The following HHLA2 variants were observed in gnomAD, a reference collection of about 807,000 sequenced individuals.
HHLA2 encodes the protein HERV-H LTR-associating protein 2.
A neutral mutation model predicts 45.9 loss-of-function variants in HHLA2; 48 were observed. The ratio of observed to expected loss-of-function variants is 1.05; its 90% confidence interval spans 0.83 to 1.33. HHLA2 has a LOEUF of 1.33. Ranked by LOEUF, HHLA2 falls within the 40% of genes most tolerant of loss-of-function variation. The pLI is 0.00. For synonymous variants in HHLA2, 161 were observed against 173.9 expected, an observed-to-expected ratio of 0.93 and a Z score of 0.59; for missense variants, 462 against 494.3, an observed-to-expected ratio of 0.93 and a Z score of 0.62.
At position 108,355,109 on chromosome 3, in the gene HHLA2, A is replaced by G. The variant is rs369747047; in HGVS notation, c.419-6A>G. The G allele has an allele frequency of 6.8e-6, 11 of 1,609,242 alleles. No individual in the cohort carries two copies. The highest frequency in any genetic ancestry group is 1.7e-4 in the Middle Eastern group (1 of 6,058). On this transcript the variant is annotated splice_polypyrimidine_tract_variant and splice_region_variant and intron_variant, in intron 5 of 10. Transcript: ENST00000619531. ...TTTTTCATGCGCCCTTCTTTCTCCT[A>G]TGTAGTTTTTCTCACACCCGTGATG...
intron 1 of HHLA2, among the ~76,000 whole-genome samples, chr3:108,306,289 C>T (rs1484137529): frequency 2.0e-5 from 3 of 152,174 alleles, no homozygotes; most frequent in Admixed American, 6.5e-5. Context: ...TCTTGTAGAA[C>T]GTGATTAGCA....
chr3:108,373,350 G>A lies in HHLA2; in HGVS notation c.1109-2400G>A, dbSNP rs1195946188. Among the ~76,000 whole-genome samples, 3 of 152,068 alleles carry A rather than the reference G, an allele frequency of 2.0e-5. No homozygotes were observed. The South Asian group carries it at 6.2e-4, about 31-fold the overall frequency. On this transcript the variant is annotated intron_variant, in intron 8 of 10. Transcript: ENST00000619531. ...TATCTCAGAATAATAAGAGCTATCT[G>A]TGACAAACCCACAGCCAATATCATA...
At position 108,358,092 on chromosome 3, in the gene HHLA2, A is replaced by G. The variant is rs769870867; in HGVS notation, c.934A>G (p.Ser312Gly). The change falls in exon 7 of 11, where the codon AGT becomes GGT. Residue 312 changes from serine (S) to glycine (G), a missense_variant. Physicochemically the swap from Ser to Gly is moderately conservative, Grantham distance 56 (BLOSUM62 0). Around this residue, in one of 3 missense-constraint regions of HHLA2, gnomAD observed 4 missense variants for 16.5 expected, o/e 0.24. Transcript: ENST00000619531. ...TTTGATGGATCTTAATCTTTCAGAC[A>G]GTGGGGAATATTTATGCAATATTTC... 1.9e-6 allele frequency: 3 copies of G among 1,613,606 alleles called. No homozygotes were observed. The African/African-American group carries it at 4.0e-5, about 22-fold the overall frequency.
At chr3:108,300,811 T>C (rs2080836458) in intron 1 of HHLA2, among the ~76,000 whole-genome samples, 1 of 152,198 alleles carries the variant, frequency 6.6e-6, no homozygotes, top group African/African-American at 2.4e-5. Flanking sequence ...GTTGCTCTTA[T>C]TGCTTGTAAC....
intron 2 of HHLA2, among the ~76,000 whole-genome samples, chr3:108,321,904 G>A (rs1441522379): frequency 6.6e-6 from 1 of 151,972 alleles, no homozygotes; most frequent in Non-Finnish European, 1.5e-5. Context: ...TCAATTCCAA[G>A]ATGTCTTTTC....
intron 3 of HHLA2, among the ~76,000 whole-genome samples, chr3:108,340,471 T>C (rs2081545736): frequency 1.3e-5 from 2 of 152,188 alleles, no homozygotes; most frequent in Admixed American, 6.5e-5. Flanking sequence ...GAAAACTTCG[T>C]TGGAGAATTT....
intron 3 of HHLA2, among the ~76,000 whole-genome samples, chr3:108,341,620 G>A (rs965052832): frequency 7.2e-5 from 11 of 151,932 alleles, no homozygotes; most frequent in African/African-American, 2.4e-4. Context: ...AAAAAAAACA[G>A]AGCCCAGTTC....
At chr3:108,339,222 AC>A (rs1184936281) in intron 3 of HHLA2, among the ~76,000 whole-genome samples, 1 of 152,192 alleles carries the variant, frequency 6.6e-6, no homozygotes, top group African/African-American at 2.4e-5. Context: ...ACTTTTTGGA[AC>A]CAGGTATAAG....
chr3:108,338,080 C>G (rs888854134), intron 3 of HHLA2, among the ~76,000 whole-genome samples: 7 of 151,682 alleles, frequency 4.6e-5, no homozygotes, highest in African/African-American at 1.7e-4. Flanking sequence ...CGCACACACA[C>G]ATATGTATAT....
intron 8 of HHLA2, 102 bp downstream of exon 7, chr3:108,362,548 C>A: frequency 1.3e-6 from 1 of 756,158 alleles, no homozygotes; most frequent in Middle Eastern, 2.6e-4. Context: ...TGTAATTGAT[C>A]TGAATTTTCT....
intron 3 of HHLA2, among the ~76,000 whole-genome samples, chr3:108,330,700 C>T (rs1464458988): frequency 1.3e-5 from 2 of 152,060 alleles, no homozygotes; most frequent in Non-Finnish European, 2.9e-5. Context: ...AACAAGTGAG[C>T]TTGGAAGGGG....
At chr3:108,317,164 T>C (rs567077150) in intron 2 of HHLA2, among the ~76,000 whole-genome samples, 10 of 152,244 alleles carry the variant, frequency 6.6e-5, no homozygotes, top group Non-Finnish European at 1.3e-4. Flanking sequence ...TTTGTCTTTA[T>C]AGAAAGACAC....
Position 108,352,839 on chromosome 3 carries a change from A to T in HHLA2, c.65-588A>T, listed in dbSNP as rs545377195. Among the ~76,000 whole-genome samples, 13 of 152,324 alleles carry T rather than the reference A, an allele frequency of 8.5e-5. No individual in the cohort carries two copies. In the South Asian group the frequency reaches 2.1e-3, roughly 24 times the overall value. On this transcript the variant is annotated intron_variant, in intron 4 of 10. Coordinates refer to ENST00000619531, the Ensembl canonical transcript of HHLA2. ...CTCAGGATATCCTGAGAGCAGTCTT[A>T]AACTCAAAGCAAATGAATGACTCTC...
intron 1 of HHLA2, among the ~76,000 whole-genome samples, chr3:108,300,951 C>T (rs2080838414): frequency 6.6e-6 from 1 of 152,128 alleles, no homozygotes; most frequent in African/African-American, 2.4e-5. Flanking sequence ...GCTTCTAACA[C>T]AGCTGAAATA....
chr3:108,342,958 A>G (rs2081601606), intron 3 of HHLA2, among the ~76,000 whole-genome samples: 1 of 151,920 alleles, frequency 6.6e-6, no homozygotes, highest in Admixed American at 6.5e-5. Flanking sequence ...CTGTATTATG[A>G]TTTGTTTATG....
At chr3:108,299,013 T>G (rs2080807639) in intron 1 of HHLA2, among the ~76,000 whole-genome samples, 1 of 152,232 alleles carries the variant, frequency 6.6e-6, no homozygotes, top group African/African-American at 2.4e-5. Context: ...TTCTATCTAA[T>G]TTAACCTAGA....
At chr3:108,375,284 A>T (rs1576190772) in intron 8 of HHLA2, among the ~76,000 whole-genome samples, 3 of 145,450 alleles carry the variant, frequency 2.1e-5, no homozygotes, top group Non-Finnish European at 4.5e-5. Context: ...AACAATGAGA[A>T]CACATGGACA....
At chr3:108,355,136 A>C (rs1307765477) in exon 6 of HHLA2, 2 of 1,612,942 alleles carry the variant, frequency 1.2e-6, no homozygotes, top group Non-Finnish European at 8.5e-7. Context: ...CCCGTGATGA[A>C]GTATGAAAAG....
At chr3:108,336,969 A>G (rs1349079744) in intron 3 of HHLA2, among the ~76,000 whole-genome samples, 1 of 152,010 alleles carries the variant, frequency 6.6e-6, no homozygotes. Flanking sequence ...TTCTCTCCAT[A>G]TTTTACACAC....
Sources: gnomAD v4.1 joint callset for allele counts (sites outside exome capture counted in the v4.1 genomes callset) on GRCh38, gnomAD v4.1.1 for gene constraint, gnomAD v4.1.1 regional missense constraint, MANE v1.5 for transcripts, NCBI Gene and HGNC (gene_info 2026-07-23, HGNC 2026-07-21) for gene names.